Variants in PLEKHA8 observed in about 807,000 individuals in gnomAD.
PLEKHA8 encodes pleckstrin homology domain containing A8, also known as pleckstrin homology domain-containing family A member 8.
PLEKHA8 carries 36 observed loss-of-function variants against 68.2 expected under a neutral mutation model. The observed-to-expected ratio is 0.53, with a 90% CI of 0.40 to 0.70. The LOEUF (loss-of-function observed/expected upper bound fraction) is 0.70. Among genes scored for constraint, PLEKHA8 ranks in the 30% least tolerant of loss-of-function variants. The pLI, the probability that PLEKHA8 is intolerant of heterozygous loss-of-function variation, is 0.00. For synonymous variants in PLEKHA8, 211 were observed against 216.1 expected (o/e 0.98, Z 0.20); for missense variants, 505 against 615.4 (o/e 0.82, Z 1.90).
In PLEKHA8 at chr7:30,080,555, C is replaced by G; in HGVS notation, c.*1768C>G. ...GGTTTTGCCTTTGTGTGTCTTTAAA[C>G]AAATGAACATTTATTTAGCTCAGAT... On this transcript the variant is annotated 3_prime_UTR_variant, in exon 14 of 14. Transcript: ENST00000449726. The G allele has an allele frequency of 1.0e-6, 1 of 985,298 alleles. No homozygotes were observed. Among genetic ancestry groups the G allele is most frequent in the South Asian group, 4.7e-5 (1 of 21,278 alleles). 61.0% of individuals were successfully genotyped at this position (985,298 alleles called of 1,614,324 possible).
rs1794839114 is a variant in PLEKHA8, at chr7:30,079,919, G to A, written c.*1132G>A. On this transcript the variant is annotated 3_prime_UTR_variant, in exon 14 of 14. Transcript: ENST00000449726. ...TGTCCTTTTTTTTTTTTTCAAAGAG[G>A]ATAAGGCTGCTATTTAAATAAAATA... The A allele has an allele frequency of 1.0e-6, 1 of 982,336 alleles. No homozygotes were observed. Among genetic ancestry groups the A allele is most frequent in the South Asian group, 4.7e-5 (1 of 21,210 alleles). The allele number at this position is 982,336 out of a possible 1,614,324, so 60.9% of individuals were successfully genotyped here. A position where few individuals can be genotyped will look rare whatever the true frequency, so the allele number is the denominator to read the frequency against.
In PLEKHA8 at chr7:30,081,213, A is replaced by G. The variant is rs1055585022; in HGVS notation, c.*2426A>G. On this transcript the variant is annotated 3_prime_UTR_variant, in exon 14 of 14. Transcript: ENST00000449726. ...ATAGCTTGAATAAGTTACATTTTCC[A>G]ATTACCCTTTTTCCACATCTGTAGA... 1 of 985,212 alleles carries G rather than the reference A, an allele frequency of 1.0e-6. No individual in the cohort carries two copies. The allele number at this position is 985,212 out of a possible 1,614,324, so 61.0% of individuals were successfully genotyped here.
intron 7 of PLEKHA8, among the ~76,000 whole-genome samples, 178 bp from the exon 8 acceptor site, chr7:30,054,531 C>T (rs1792672163): frequency 6.6e-6 from 1 of 152,100 alleles, no homozygotes; most frequent in Admixed American, 6.6e-5. Flanking sequence ...GGATTCAAAT[C>T]TACACATACT....
chr7:30,069,088 T>C (rs1241643601), intron 12 of PLEKHA8, among the ~76,000 whole-genome samples: 1 of 152,192 alleles, frequency 6.6e-6, no homozygotes, highest in East Asian at 1.9e-4. Context: ...TAAAAAGACA[T>C]GAGTTATAGG....
chr7:30,048,273 A>G (rs1047093222), intron 4 of PLEKHA8, among the ~76,000 whole-genome samples: 3 of 152,186 alleles, frequency 2.0e-5, no homozygotes, highest in Admixed American at 2.0e-4. Context: ...GGAACCTTTA[A>G]CTTTAGTACT....
In PLEKHA8 at chr7:30,051,768, G is replaced by A. The variant is rs144713923; in HGVS notation, c.639-941G>A. ...ACGGGTGGATCACCTGAGGTCAGGC[G>A]TTCAAGACCAGCCTGGCCAACCTGG... On this transcript the variant is annotated intron_variant, in intron 6 of 13. Coordinates refer to ENST00000449726, the MANE Select transcript of PLEKHA8 (RefSeq NM_001197026.2). 5.5e-4 allele frequency among the ~76,000 whole-genome samples: 84 copies of A among 152,284 alleles called. 1 individual carries two copies. Among genetic ancestry groups the A allele is most frequent in the Middle Eastern group, 3.4e-3 (1 of 294 alleles).
chr7:30,070,151 T>G (rs1463218370), intron 12 of PLEKHA8, among the ~76,000 whole-genome samples: 1 of 152,036 alleles, frequency 6.6e-6, no homozygotes, highest in Non-Finnish European at 1.5e-5. Context: ...TTTTATGACT[T>G]TTATTTCATT....
At chr7:30,034,521 G>A (rs1790914442) in intron 1 of PLEKHA8, among the ~76,000 whole-genome samples, 1 of 152,206 alleles carries the variant, frequency 6.6e-6, no homozygotes, top group Admixed American at 6.5e-5. Context: ...TATGTCATAT[G>A]TGTCGTATAC....
intron 1 of PLEKHA8, among the ~76,000 whole-genome samples, chr7:30,040,998 C>G (rs1367895920): frequency 6.6e-6 from 1 of 152,182 alleles, no homozygotes; most frequent in Non-Finnish European, 1.5e-5. Context: ...CTTGACTGAT[C>G]ATTTCTGAGA....
At chr7:30,056,783 G>A (rs1417071088) in intron 9 of PLEKHA8, among the ~76,000 whole-genome samples, 1 of 83,292 alleles carries the variant, frequency 1.2e-5, no homozygotes, top group African/African-American at 4.5e-5. Flanking sequence ...GTGTGTGTGT[G>A]TGTATATATA....
intron 1 of PLEKHA8, among the ~76,000 whole-genome samples, chr7:30,039,343 C>T (rs1185906281): frequency 1.3e-5 from 2 of 152,090 alleles, no homozygotes; most frequent in Admixed American, 6.6e-5. Context: ...GATGAAAGCC[C>T]GTCTCTACTA....
At chr7:30,124,230 A>T (rs554705308) in intron 13 of PLEKHA8, among the ~76,000 whole-genome samples, 2 of 152,320 alleles carry the variant, frequency 1.3e-5, no homozygotes, top group South Asian at 4.1e-4. Flanking sequence ...AACTTTTGTT[A>T]TGTGGGTTCT....
intron 13 of PLEKHA8, chr7:30,115,765 T>G (rs954559505): frequency 1.3e-5 from 2 of 148,480 alleles, no homozygotes; most frequent in African/African-American, 5.0e-5. Context: ...CATACATGTA[T>G]ACACGTATGC....
intron 13 of PLEKHA8, among the ~76,000 whole-genome samples, chr7:30,075,272 A>G (rs1794541894): frequency 6.6e-6 from 1 of 152,158 alleles, no homozygotes. Context: ...TATCCCATTC[A>G]CTGTTCACTG....
chr7:30,034,010 C>CT lies in PLEKHA8; in HGVS notation c.40+5240dup, dbSNP rs56796780. Among the ~76,000 whole-genome samples, 54 of 34,660 alleles carry CT rather than the reference C, an allele frequency of 1.6e-3. 17 individuals carry two copies. The highest frequency in any genetic ancestry group is 6.6e-3 in the African/African-American group (52 of 7,894). The allele number at this position is 34,660 out of a possible 152,430, so 22.7% of individuals were successfully genotyped here. A position where few individuals can be genotyped will look rare whatever the true frequency, so the allele number is the denominator to read the frequency against. ...TTCATTACAGAGTTGTAAGAGGTTT[C>CT]TTTTTTTTTTTTTTTTTTTTTTTTT... On this transcript the variant is annotated intron_variant, in intron 1 of 13. Transcript: ENST00000449726.
At chr7:30,110,001 A>C (rs1327572815) in intron 13 of PLEKHA8, among the ~76,000 whole-genome samples, 1 of 152,128 alleles carries the variant, frequency 6.6e-6, no homozygotes, top group Non-Finnish European at 1.5e-5. Flanking sequence ...ATCCTATTTA[A>C]TTTTTTAAAA....
At chr7:30,123,379 C>T (rs1796723625) in intron 13 of PLEKHA8, among the ~76,000 whole-genome samples, 2 of 152,184 alleles carry the variant, frequency 1.3e-5, no homozygotes, top group African/African-American at 2.4e-5. Flanking sequence ...TTAATGAAAA[C>T]ATTTCAGCAT....
chr7:30,071,762 A>C (rs1794252762), intron 12 of PLEKHA8: 2 of 152,322 alleles, frequency 1.3e-5, no homozygotes, highest in South Asian at 4.1e-4. Flanking sequence ...CCTGCATGGA[A>C]TACTGACACA....
intron 13 of PLEKHA8, among the ~76,000 whole-genome samples, chr7:30,115,666 G>A (rs116989310): frequency 4.6e-5 from 7 of 150,934 alleles, no homozygotes; most frequent in South Asian, 2.1e-4. Flanking sequence ...ACATGTATAC[G>A]TGTATACATA....
Sources: gnomAD v4.1 joint callset for allele counts (sites outside exome capture counted in the v4.1 genomes callset) on GRCh38, gnomAD v4.1.1 for gene constraint, MANE v1.5 for transcripts, NCBI Gene and HGNC (gene_info 2026-07-23, HGNC 2026-07-21) for gene names.